Variants in UBTD2 observed in about 807,000 individuals in gnomAD.
The protein encoded by UBTD2 is ubiquitin domain-containing protein 2.
Under a neutral mutation model 19.8 loss-of-function variants are expected in UBTD2, and 9 were observed. The observed-to-expected ratio is 0.46, with a 90% CI of 0.27 to 0.79. The LOEUF (loss-of-function observed/expected upper bound fraction) is 0.79. UBTD2 is among the 30% of genes least tolerant of loss of function. The pLI is 0.14. For synonymous variants in UBTD2, 98 were observed against 103.9 expected, an observed-to-expected ratio of 0.94 and a Z score of 0.35; for missense variants, 250 against 300.4, an observed-to-expected ratio of 0.83 and a Z score of 1.24.
At position 172,283,522 on chromosome 5, in the gene UBTD2, CG is replaced by C; in HGVS notation, c.70+73del. 3.4e-6 allele frequency: 4 copies of C among 1,168,130 alleles called. No individual in the cohort carries two copies. Among genetic ancestry groups the C allele is most frequent in the South Asian group, 3.6e-5 (1 of 28,038 alleles). The allele number at this position is 1,168,130 out of a possible 1,614,324, so 72.4% of individuals were successfully genotyped here. A position where few individuals can be genotyped will look rare whatever the true frequency, so the allele number is the denominator to read the frequency against. On this transcript the variant is annotated intron_variant, in intron 1 of 2. Transcript: ENST00000393792. This position sits in a 1 kb window ranked among gnomAD's most constrained non-coding sequence, Gnocchi z 4.3. ...GGGCGCGGGGGCCCGGCGCGGCCCG[CG>C]GGGGTCGGGACAGGTGGCCGGGCCT...
rs1042787133 is a variant in UBTD2 at position 172,251,340 on chromosome 5, A to G, written c.71-16982T>C. 2.6e-5 allele frequency among the ~76,000 whole-genome samples: 4 copies of G among 151,702 alleles called. No homozygotes were observed. The East Asian group carries it at 7.7e-4, about 29-fold the overall frequency. On this transcript the variant is annotated intron_variant, in intron 1 of 2. Coordinates refer to ENST00000393792, the MANE Select transcript of UBTD2 (RefSeq NM_152277.3). The stretch of plus-strand genomic sequence containing the variant: ...AAAAAAAAAAAAGAAAATAGCCACT[A>G]AAGTATTTAAAGATGGGTTCCTGTC...
intron 1 of UBTD2, among the ~76,000 whole-genome samples, chr5:172,258,446 A>AT (rs1342452755): frequency 1.3e-5 from 2 of 151,952 alleles, no homozygotes; most frequent in African/African-American, 4.8e-5. Flanking sequence ...TTTGCTTAGG[A>AT]TTGTTTTGGC....
intron 1 of UBTD2, among the ~76,000 whole-genome samples, chr5:172,247,364 G>T (rs1249846089): frequency 6.6e-6 from 1 of 151,856 alleles, no homozygotes; most frequent in South Asian, 2.1e-4. Flanking sequence ...AATTACAGAA[G>T]AAACAGGCCG....
At chr5:172,230,716 A>G (rs180705049) in intron 2 of UBTD2, among the ~76,000 whole-genome samples, 85 of 152,290 alleles carry the variant, frequency 5.6e-4, no homozygotes, top group African/African-American at 1.9e-3. Context: ...CTTAAAATAT[A>G]AAGTGCTTTG....
chr5:172,280,026 G>A (rs1022503906), intron 1 of UBTD2, among the ~76,000 whole-genome samples: 4 of 152,052 alleles, frequency 2.6e-5, no homozygotes, highest in African/African-American at 7.2e-5. Context: ...GCTTGAACCC[G>A]GGAGGGCGGA....
chr5:172,246,364 G>C (rs1017736627), intron 1 of UBTD2, among the ~76,000 whole-genome samples: 1 of 150,428 alleles, frequency 6.6e-6, no homozygotes, highest in Non-Finnish European at 1.5e-5. Flanking sequence ...ATAATACAAT[G>C]TCAGACCTAA....
At chr5:172,253,419 A>C (rs1388229885) in intron 1 of UBTD2, among the ~76,000 whole-genome samples, 1 of 151,896 alleles carries the variant, frequency 6.6e-6, no homozygotes, top group Non-Finnish European at 1.5e-5. Context: ...CTCACAAATC[A>C]ACTGACAAAA....
In UBTD2 at chr5:172,280,186, C is replaced by T. The variant is rs189445470; in HGVS notation, c.70+3410G>A. ...AAATAATCTTACATAACTTCTATGA[C>T]ATACCTGTCTTGATTAAAAGTAGGC... On this transcript the variant is annotated intron_variant, in intron 1 of 2. Transcript: ENST00000393792. Among the ~76,000 whole-genome samples, 510 of 150,794 alleles carry T rather than the reference C, an allele frequency of 3.4e-3. 4 individuals are homozygous for T. The highest frequency in any genetic ancestry group is 0.012 in the African/African-American group (474 of 41,030).
At chr5:172,280,979 T>A (rs1037758265) in intron 1 of UBTD2, among the ~76,000 whole-genome samples, 2 of 152,244 alleles carry the variant, frequency 1.3e-5, no homozygotes, top group African/African-American at 2.4e-5. Flanking sequence ...TTTTTTAAAA[T>A]CTTTTTCTTA....
intron 1 of UBTD2, among the ~76,000 whole-genome samples, chr5:172,259,341 C>T (rs1755221191): frequency 6.6e-6 from 1 of 152,034 alleles, no homozygotes; most frequent in Admixed American, 6.6e-5. Flanking sequence ...CAGGGTTTCA[C>T]TATTTTGGCC....
intron 2 of UBTD2, among the ~76,000 whole-genome samples, chr5:172,233,734 A>G (rs1262594945): frequency 7.0e-6 from 1 of 143,268 alleles, no homozygotes; most frequent in Non-Finnish European, 1.5e-5. Flanking sequence ...CTGAGACTCT[A>G]TCTCTAGCGC....
chr5:172,219,230 T>C (rs1561849431), intron 2 of UBTD2, among the ~76,000 whole-genome samples: 3 of 152,254 alleles, frequency 2.0e-5, no homozygotes, highest in East Asian at 1.9e-4. Context: ...ATAACAATTC[T>C]CTGCAATCTT....
At chr5:172,234,049 T>A in intron 2 of UBTD2, 73 bp downstream of exon 2, 1 of 1,459,566 alleles carries the variant, frequency 6.9e-7, no homozygotes, top group Non-Finnish European at 9.6e-7. Context: ...AAAAACACTC[T>A]CCCATTTGGT....
At chr5:172,244,890 G>A (rs530843990) in intron 1 of UBTD2, among the ~76,000 whole-genome samples, 144 of 151,964 alleles carry the variant, frequency 9.5e-4, no homozygotes, top group African/African-American at 3.3e-3. Context: ...CACCACGCCC[G>A]GCTAATTTTC....
At chr5:172,259,441 CT>C (rs1453501249) in intron 1 of UBTD2, among the ~76,000 whole-genome samples, 1 of 151,822 alleles carries the variant, frequency 6.6e-6, no homozygotes, top group Non-Finnish European at 1.5e-5. Flanking sequence ...GCGCCCAGCC[CT>C]GTTGAGGGTT....
intron 2 of UBTD2, 110 bp from the exon 3 acceptor site, chr5:172,212,337 A>G: frequency 8.6e-7 from 1 of 1,158,968 alleles, no homozygotes; most frequent in Non-Finnish European, 1.2e-6. Context: ...TGTAGAGAAA[A>G]AACATCACTC....
intron 1 of UBTD2, among the ~76,000 whole-genome samples, chr5:172,258,184 A>G (rs1390752420): frequency 6.6e-6 from 1 of 152,186 alleles, no homozygotes; most frequent in African/African-American, 2.4e-5. Context: ...TAGATGGCGA[A>G]AAGAAGGGGT....
intron 2 of UBTD2, among the ~76,000 whole-genome samples, chr5:172,227,695 CTTTTTTTTTTTT>C (rs1164255222): frequency 6.9e-5 from 5 of 72,160 alleles, no homozygotes; most frequent in Non-Finnish European, 7.2e-5. Flanking sequence ...ATGAAAAATT[CTTTTTTTTTTTT>C]TTTTTTTTTT....
Position 172,216,591 on chromosome 5 carries a change from C to CAAAAAAA in UBTD2, c.308-4371_308-4365dup, listed in dbSNP as rs57657254. Among the ~76,000 whole-genome samples the CAAAAAAA allele has an allele frequency of 4.6e-4, 17 of 36,926 alleles. 2 individuals carry two copies. Among genetic ancestry groups the CAAAAAAA allele is most frequent in the East Asian group, 2.0e-3 (3 of 1,536 alleles). The allele number at this position is 36,926 out of a possible 152,430, so 24.2% of individuals were successfully genotyped here. On this transcript the variant is annotated intron_variant, in intron 2 of 2. Transcript: ENST00000393792. ...AACATAGGGAAACCCCATCTCTACCCAAAAAAAAAAAAAAAAAAAAAAAAA... is the reference window on the plus strand; with the variant it reads ...AACATAGGGAAACCCCATCTCTACCCAAAAAAAAAAAAAAAAAAAAAAAAAAAAAAAA...
Sources: allele counts gnomAD v4.1 joint callset (sites outside exome capture counted in the v4.1 genomes callset), GRCh38; gene constraint gnomAD v4.1.1; non-coding constraint Gnocchi (gnomAD v3.1); transcripts MANE v1.5; gene names NCBI Gene and HGNC (gene_info 2026-07-23, HGNC 2026-07-21).